Variants in WIZ observed in about 807,000 individuals in gnomAD.
WIZ encodes WIZ zinc finger, also known as protein Wiz.
In WIZ, 25 loss-of-function variants were observed where a neutral mutation model predicts 140.2. That is an observed-to-expected ratio of 0.18 (90% CI 0.13 to 0.25). The LOEUF is 0.25. Ranked by LOEUF, WIZ falls within the 10% of genes least tolerant of loss-of-function variation. WIZ has a pLI of 1.00. For synonymous variants in WIZ, 1,125 were observed against 1,154.3 expected, an observed-to-expected ratio of 0.97 and a Z score of 0.51; for missense variants, 2,231 against 2,632.6, an observed-to-expected ratio of 0.85 and a Z score of 3.34.
In WIZ at chr19:15,427,564, A is replaced by G. The variant is rs751091939; in HGVS notation, c.3815-31T>C. 11 of 1,580,090 alleles carry G rather than the reference A, an allele frequency of 7.0e-6. No homozygotes were observed. The highest frequency in any genetic ancestry group is 8.6e-6 in the Non-Finnish European group (10 of 1,161,550). On this transcript the variant is annotated intron_variant, in intron 8 of 12. Coordinates refer to ENST00000673675, the MANE Select transcript of WIZ (RefSeq NM_001371589.1). This position sits in a 1 kb window ranked among gnomAD's most constrained non-coding sequence, Gnocchi z 6.4. ...GCAGGAGGAGAAAGGGGCAGTTAGC[A>G]TCGTGGAACTGCCAGCATGGTCACC...
At position 15,448,217 on chromosome 19, in the gene WIZ, C is replaced by T. The variant is rs777084458; in HGVS notation, c.91G>A (p.Glu31Lys). The change falls in exon 2 of 13, where the codon GAG becomes AAG. Residue 31 changes from glutamate to lysine, a missense_variant. Coordinates refer to ENST00000673675, the MANE Select transcript of WIZ (RefSeq NM_001371589.1). Reference protein sequence around the residue: ...LPGPAPRENIEGGAEAAEGEG... With the variant: ...LPGPAPRENIKGGAEAAEGEG... Reference sequence around the variant, plus strand: ...CCCTCAGCAGCTTCGGCCCCACCCTCGATGTTCTCCCTTGGCGCCGGGCCA... The same window carrying T: ...CCCTCAGCAGCTTCGGCCCCACCCTTGATGTTCTCCCTTGGCGCCGGGCCA... The T allele has an allele frequency of 1.7e-5, 27 of 1,613,208 alleles. No individual in the cohort carries two copies. The highest frequency in any genetic ancestry group is 1.3e-4 in the South Asian group (12 of 91,064).
Position 15,429,492 on chromosome 19 carries a change from C to A in WIZ, c.3415+94G>T, listed in dbSNP as rs1191294674. The A allele has an allele frequency of 5.5e-6, 5 of 913,794 alleles. No homozygotes were observed. In the African/African-American group the frequency reaches 8.6e-5, roughly 16 times the overall value. The allele number at this position is 913,794 out of a possible 1,614,324, so 56.6% of individuals were successfully genotyped here. On this transcript the variant is annotated intron_variant, in intron 7 of 12. Coordinates refer to ENST00000673675, the MANE Select transcript of WIZ (RefSeq NM_001371589.1). ...GAGCTGTAGTCCCCACCGCCCCCAC[C>A]CACCCTGGGCCCTGTCCCTGGGCTA...
chr19:15,430,108 G>A lies in WIZ; in HGVS notation c.2912-19C>T. 1 of 1,497,118 alleles carries A rather than the reference G, an allele frequency of 6.7e-7. No individual in the cohort carries two copies. The highest frequency in any genetic ancestry group is 8.9e-7 in the Non-Finnish European group (1 of 1,123,196). The allele number at this position is 1,497,118 out of a possible 1,614,324, so 92.7% of individuals were successfully genotyped here. A position where few individuals can be genotyped will look rare whatever the true frequency, so the allele number is the denominator to read the frequency against. On this transcript the variant is annotated intron_variant, in intron 6 of 12. Transcript: ENST00000673675. ...CTCTGGGCTGAAGGGCAACACAGAG[G>A]CCGGGAGAGCAGGCTGTGAGGCCCA...
rs904706947 is a variant in WIZ, at chr19:15,440,295, C to T, written c.699G>A (p.Val233=). ...EDTPKTLDMA[V]VGGREDLEDL... Reference sequence around the variant, plus strand: ...CCTCCAGATCTTCTCTGCCACCCACCACCGCCATGTCCAGCGTCTTCGGGG... The same window carrying T: ...CCTCCAGATCTTCTCTGCCACCCACTACCGCCATGTCCAGCGTCTTCGGGG... Residue 233 remains valine (V), a synonymous_variant, in exon 4 of 13, where the codon GTG becomes GTA. Coordinates refer to ENST00000673675, the MANE Select transcript of WIZ (RefSeq NM_001371589.1). The surrounding 1 kb of genome is among the most constrained non-coding windows in gnomAD (Gnocchi z 6.2). 2.7e-6 allele frequency: 4 copies of T among 1,498,908 alleles called. No homozygotes were observed. Among genetic ancestry groups the T allele is most frequent in the African/African-American group, 1.4e-5 (1 of 72,042 alleles). The allele number at this position is 1,498,908 out of a possible 1,614,324, so 92.9% of individuals were successfully genotyped here.
In WIZ at chr19:15,427,519, G is replaced by A. The variant is rs749338795; in HGVS notation, c.3829C>T (p.Pro1277Ser). The change falls in exon 9 of 13, where the codon CCA becomes TCA. Residue 1277 changes from proline (P) to serine (S), a missense_variant. Pro to Ser is a moderately conservative substitution (Grantham distance 74). Around this residue, in one of 15 missense-constraint regions of WIZ, gnomAD observed 141 missense variants for 161.2 expected, o/e 0.87. Transcript: ENST00000673675. This position sits in a 1 kb window ranked among gnomAD's most constrained non-coding sequence, Gnocchi z 6.4. Reference sequence around the variant, plus strand: ...AACTCGCAGCGGATGTCTCGTGCTGGCTCTGGGCCTGAGGCTGCAGCAGGA... The same window carrying A: ...AACTCGCAGCGGATGTCTCGTGCTGACTCTGGGCCTGAGGCTGCAGCAGGA... ...SPLNLSSGPE[P>S]ARDIRCEFCG... The A allele has an allele frequency of 1.0e-5, 16 of 1,607,954 alleles. No homozygotes were observed. In the South Asian group the frequency reaches 1.5e-4, roughly 15 times the overall value.
At chr19:15,447,625 G>A (rs1194615671) in intron 2 of WIZ, among the ~76,000 whole-genome samples, 18 of 152,236 alleles carry the variant, frequency 1.2e-4, no homozygotes, top group Non-Finnish European at 4.4e-5. Flanking sequence ...TTTTTGCTGG[G>A]TAAACCAAGG....
intron 5 of WIZ, among the ~76,000 whole-genome samples, chr19:15,434,905 A>G (rs1969463477): frequency 6.6e-6 from 1 of 152,214 alleles, no homozygotes; most frequent in South Asian, 2.1e-4. Flanking sequence ...GGCTGTGGCA[A>G]AGAAGATGAC....
At chr19:15,446,773 C>T (rs892733411) in intron 2 of WIZ, among the ~76,000 whole-genome samples, 19 of 152,232 alleles carry the variant, frequency 1.2e-4, no homozygotes, top group African/African-American at 4.6e-4. Flanking sequence ...GGTCATAACA[C>T]GGTATCATAA....
chr19:15,430,432 C>T (rs1394933939), intron 6 of WIZ, among the ~76,000 whole-genome samples: 1 of 152,172 alleles, frequency 6.6e-6, no homozygotes, highest in Non-Finnish European at 1.5e-5. Flanking sequence ...ACCTGACAGC[C>T]ACATGCCTCA....
intron 6 of WIZ, 65 bp downstream of exon 6, chr19:15,430,947 A>T: frequency 6.9e-7 from 1 of 1,452,260 alleles, no homozygotes; most frequent in Non-Finnish European, 9.1e-7. Context: ...CCAAGGCACG[A>T]GAGTGCTCCT....
chr19:15,425,993 C>CCA (rs1968799966), intron 9 of WIZ, among the ~76,000 whole-genome samples: 1 of 151,604 alleles, frequency 6.6e-6, no homozygotes, highest in Non-Finnish European at 1.5e-5. Flanking sequence ...CTACCCCTGT[C>CCA]CACACCACCC....
At chr19:15,447,010 C>T (rs1027650139) in intron 2 of WIZ, among the ~76,000 whole-genome samples, 4 of 152,302 alleles carry the variant, frequency 2.6e-5, no homozygotes, top group South Asian at 2.1e-4. Context: ...GGCTAGGTGA[C>T]GTTGGGCAAC....
rs751198440 is a variant in WIZ at position 15,424,392 on chromosome 19, G to C, written c.5315-14C>G. 11 of 1,598,430 alleles carry C rather than the reference G, an allele frequency of 6.9e-6. No individual in the cohort carries two copies. The East Asian group carries it at 2.0e-4, about 30-fold the overall frequency. The stretch of plus-strand genomic sequence containing the variant: ...GGCGTTCAAATTCTAAGGTGGAGAG[G>C]GGGACGGGAGATGAGTGGGAGGGGT... On this transcript the variant is annotated splice_polypyrimidine_tract_variant and intron_variant, in intron 11 of 12. Coordinates refer to ENST00000673675, the MANE Select transcript of WIZ (RefSeq NM_001371589.1). The surrounding 1 kb of genome is among the most constrained non-coding windows in gnomAD (Gnocchi z 9.7).
intron 4 of WIZ, among the ~76,000 whole-genome samples, chr19:15,437,606 T>C (rs1969563781): frequency 6.6e-6 from 1 of 152,178 alleles, no homozygotes; most frequent in South Asian, 2.1e-4. Flanking sequence ...CAGTGAGCTA[T>C]AATTGCCCCA....
intron 5 of WIZ, among the ~76,000 whole-genome samples, chr19:15,432,070 G>A (rs923817875): frequency 2.0e-5 from 3 of 152,186 alleles, no homozygotes; most frequent in Non-Finnish European, 2.9e-5. Context: ...AGGCGCTGAG[G>A]ACTGGGGCAC....
chr19:15,447,418 C>T (rs1484550593), intron 2 of WIZ, among the ~76,000 whole-genome samples: 1 of 152,256 alleles, frequency 6.6e-6, no homozygotes, highest in Non-Finnish European at 1.5e-5. Context: ...TCTGTCACTA[C>T]CTGTCCTTCT....
rs367647738 is a variant in WIZ, at chr19:15,424,084, G to A, written c.5510+99C>T. On this transcript the variant is annotated intron_variant, in intron 12 of 12. Transcript: ENST00000673675. The surrounding 1 kb of genome is among the most constrained non-coding windows in gnomAD (Gnocchi z 9.7). ...CACACCCAAGGGCAGCCACTGAGGCGACACCTCCCAGCTTCCACCAAACCC... is the reference window on the plus strand; with the variant it reads ...CACACCCAAGGGCAGCCACTGAGGCAACACCTCCCAGCTTCCACCAAACCC... 20 of 1,183,624 alleles carry A rather than the reference G, an allele frequency of 1.7e-5. No homozygotes were observed. In the Middle Eastern group the frequency reaches 1.6e-3, roughly 95 times the overall value. The allele number at this position is 1,183,624 out of a possible 1,614,324, so 73.3% of individuals were successfully genotyped here.
At chr19:15,446,632 C>T (rs996579041) in intron 2 of WIZ, among the ~76,000 whole-genome samples, 14 of 152,190 alleles carry the variant, frequency 9.2e-5, no homozygotes, top group African/African-American at 3.4e-4. Context: ...TGCTTGCTTC[C>T]CCCTTGGTCT....
At chr19:15,443,434 T>G (rs1969813289) in intron 2 of WIZ, among the ~76,000 whole-genome samples, 1 of 152,196 alleles carries the variant, frequency 6.6e-6, no homozygotes, top group Non-Finnish European at 1.5e-5. Flanking sequence ...TGCTGGTCTC[T>G]CCAACTTCCC....
Sources: allele counts gnomAD v4.1 joint callset (sites outside exome capture counted in the v4.1 genomes callset), GRCh38; gene constraint gnomAD v4.1.1; regional missense constraint gnomAD v4.1.1; non-coding constraint Gnocchi (gnomAD v3.1); transcripts MANE v1.5; gene names NCBI Gene and HGNC (gene_info 2026-07-23, HGNC 2026-07-21).